Variants in THRB observed in about 807,000 individuals in gnomAD.
THRB encodes the protein nuclear receptor subfamily 1 group A member 2.
THRB carries 12 observed loss-of-function variants against 47.8 expected under a neutral mutation model. That is an observed-to-expected ratio of 0.25 (90% CI 0.16 to 0.41). THRB has a LOEUF of 0.41. Among genes scored for constraint, THRB ranks in the 10% least tolerant of loss-of-function variants. The pLI, the probability that THRB is intolerant of heterozygous loss-of-function variation, is 1.00. For synonymous variants in THRB, 218 were observed against 212.2 expected, an observed-to-expected ratio of 1.03 and a Z score of -0.24; for missense variants, 348 against 589.2, an observed-to-expected ratio of 0.59 and a Z score of 4.24.
intron 3 of THRB, among the ~76,000 whole-genome samples, chr3:24,236,352 C>T (rs1189249183): frequency 2.6e-5 from 4 of 152,128 alleles, no homozygotes; most frequent in African/African-American, 9.7e-5. Context: ...AATCACAATT[C>T]CTGCCCTCTC....
chr3:24,336,628 A>G (rs1013599435), intron 2 of THRB, among the ~76,000 whole-genome samples: 4 of 152,254 alleles, frequency 2.6e-5, no homozygotes, highest in Admixed American at 2.6e-4. Flanking sequence ...TGAAAGGCAA[A>G]TTCAGAAGAC....
intron 3 of THRB, among the ~76,000 whole-genome samples, chr3:24,259,899 G>A (rs1179970925): frequency 1.3e-5 from 2 of 152,030 alleles, no homozygotes; most frequent in South Asian, 4.1e-4. Context: ...GCTTTATTGA[G>A]ATATGATTCC....
intron 3 of THRB, among the ~76,000 whole-genome samples, chr3:24,248,027 C>A (rs1467260965): frequency 4.6e-5 from 7 of 152,018 alleles, no homozygotes. Flanking sequence ...AGACACATTA[C>A]TTAAGTGGCA....
At position 24,345,570 on chromosome 3, in the gene THRB, C is replaced by T. The variant is rs563259933; in HGVS notation, c.-260-8199G>A. On this transcript the variant is annotated intron_variant, in intron 1 of 10. Coordinates refer to ENST00000646209, the MANE Select transcript of THRB (RefSeq NM_001354712.2). ...AATAACAATACTTAATTTATAGAGA[C>T]GTGATGAGGATTAAATTAGTAAGTT... Among the ~76,000 whole-genome samples the T allele has an allele frequency of 7.2e-5, 11 of 152,084 alleles. No homozygotes were observed. In the South Asian group the frequency reaches 1.5e-3, roughly 20 times the overall value.
At chr3:24,257,568 G>C (rs2051428449) in intron 3 of THRB, among the ~76,000 whole-genome samples, 1 of 152,134 alleles carries the variant, frequency 6.6e-6, no homozygotes, top group South Asian at 2.1e-4. Flanking sequence ...TATCTGAACA[G>C]AGCTAGATAA....
intron 3 of THRB, 150 bp from the exon 4 acceptor site, chr3:24,229,151 C>G (rs938858546): frequency 1.7e-6 from 1 of 588,404 alleles, no homozygotes; most frequent in African/African-American, 1.9e-5. Flanking sequence ...CATAGGTGGG[C>G]TATGTGATAT....
chr3:24,397,190 C>G (rs2067027671), intron 1 of THRB, among the ~76,000 whole-genome samples: 1 of 152,014 alleles, frequency 6.6e-6, no homozygotes, highest in Non-Finnish European at 1.5e-5. Flanking sequence ...AATTTTTAAA[C>G]AAGTGGAATA....
chr3:24,295,150 T>C (rs1008626790), intron 3 of THRB, among the ~76,000 whole-genome samples: 2 of 152,174 alleles, frequency 1.3e-5, no homozygotes, highest in Admixed American at 1.3e-4. Flanking sequence ...TGATATTCTT[T>C]ATAGGAGGTC....
chr3:24,491,239 T>A (rs1698102182), intron 1 of THRB, among the ~76,000 whole-genome samples: 1 of 152,190 alleles, frequency 6.6e-6, no homozygotes, highest in African/African-American at 2.4e-5. Context: ...TTTCTTCCCC[T>A]CCCATTTTTA....
chr3:24,269,675 A>G (rs1313629143), intron 3 of THRB, among the ~76,000 whole-genome samples: 5 of 151,060 alleles, frequency 3.3e-5, no homozygotes, highest in Non-Finnish European at 5.9e-5. Flanking sequence ...GACTCAAGCA[A>G]TCCTCCCACC....
intron 1 of THRB, among the ~76,000 whole-genome samples, chr3:24,399,174 A>G (rs539607837): frequency 1.3e-5 from 2 of 151,926 alleles, no homozygotes; most frequent in Admixed American, 6.6e-5. Flanking sequence ...ACATGTATAC[A>G]TATATAACAA....
rs138739503 is a variant in THRB at position 24,392,387 on chromosome 3, A to G, written c.-260-55016T>C. 5.5e-3 allele frequency among the ~76,000 whole-genome samples: 840 copies of G among 152,218 alleles called. 11 individuals carry two copies. Among genetic ancestry groups the G allele is most frequent in the African/African-American group, 0.019 (780 of 41,564 alleles). On this transcript the variant is annotated intron_variant, in intron 1 of 10. Transcript: ENST00000646209. ...TTTATATTTTCTTTGTGATGGGTAC[A>G]TTACAACTCTTCTACCTATTTAAAA...
At chr3:24,203,211 A>G (rs1215514092) in intron 4 of THRB, among the ~76,000 whole-genome samples, 2 of 152,154 alleles carry the variant, frequency 1.3e-5, no homozygotes, top group African/African-American at 4.8e-5. Context: ...TCAGGAGTCC[A>G]AAACCAACCT....
intron 1 of THRB, among the ~76,000 whole-genome samples, chr3:24,337,921 T>A (rs2062370504): frequency 6.6e-6 from 1 of 152,128 alleles, no homozygotes; most frequent in African/African-American, 2.4e-5. Flanking sequence ...CTAAATGCAA[T>A]CATATGGTGA....
chr3:24,239,506 G>A (rs1175631307), intron 3 of THRB, among the ~76,000 whole-genome samples: 2 of 152,064 alleles, frequency 1.3e-5, no homozygotes, highest in African/African-American at 4.8e-5. Context: ...ATTTGATGGA[G>A]TCTTGCTATG....
intron 1 of THRB, among the ~76,000 whole-genome samples, chr3:24,370,973 A>G (rs1008714363): frequency 5.9e-5 from 9 of 152,194 alleles, no homozygotes; most frequent in Non-Finnish European, 1.0e-4. Flanking sequence ...AAAGAGCTGT[A>G]GAAAAGGGAA....
Position 24,472,979 on chromosome 3 carries a change from A to G in THRB, c.-261+21673T>C, listed in dbSNP as rs375554022. Among the ~76,000 whole-genome samples the G allele has an allele frequency of 3.6e-3, 548 of 152,302 alleles. 7 individuals carry two copies. The highest frequency in any genetic ancestry group is 0.013 in the African/African-American group (527 of 41,582). ...ATCTTAGGAGACTCAAGATGAGCTTATCTGTGACTCACCATCTGTCCTATG... is the reference window on the plus strand; with the variant it reads ...ATCTTAGGAGACTCAAGATGAGCTTGTCTGTGACTCACCATCTGTCCTATG... On this transcript the variant is annotated intron_variant, in intron 1 of 10. Coordinates refer to ENST00000646209, the MANE Select transcript of THRB (RefSeq NM_001354712.2).
rs137930361 is a variant in THRB, at chr3:24,239,199, C to T, written c.-42-10198G>A. Among the ~76,000 whole-genome samples the T allele has an allele frequency of 5.9e-4, 90 of 152,262 alleles. 1 individual carries two copies. In the East Asian group the frequency reaches 0.017, roughly 29 times the overall value. On this transcript the variant is annotated intron_variant, in intron 3 of 10. Coordinates refer to ENST00000646209, the MANE Select transcript of THRB (RefSeq NM_001354712.2). ...TCAAGTGATCTGCCCACCTCGGCATCTGAAAGTGCTGGGATTACAGGCGTG... is the reference window on the plus strand; with the variant it reads ...TCAAGTGATCTGCCCACCTCGGCATTTGAAAGTGCTGGGATTACAGGCGTG...
intron 1 of THRB, among the ~76,000 whole-genome samples, chr3:24,403,723 T>G (rs1381242149): frequency 6.6e-6 from 1 of 151,950 alleles, no homozygotes; most frequent in Non-Finnish European, 1.5e-5. Flanking sequence ...ATCTCAACCA[T>G]TAAGCACAAA....
Sources: allele counts gnomAD v4.1 joint callset (sites outside exome capture counted in the v4.1 genomes callset), GRCh38; gene constraint gnomAD v4.1.1; transcripts MANE v1.5; gene names NCBI Gene and HGNC (gene_info 2026-07-23, HGNC 2026-07-21).